The following DCC variants were observed in gnomAD, a reference collection of about 807,000 sequenced individuals.
The protein encoded by DCC is netrin receptor DCC.
A neutral mutation model predicts 172.5 loss-of-function variants in DCC; 58 were observed. The observed-to-expected ratio is 0.34, with a 90% confidence interval of 0.27 to 0.42. DCC has a LOEUF of 0.42. Ranked by LOEUF, DCC falls within the 10% of genes least tolerant of loss-of-function variation. DCC has a pLI of 1.00. For missense variants in DCC, 1,740 were observed against 1,791.0 expected, an observed-to-expected ratio of 0.97 and a Z score of 0.51; for synonymous variants, 709 against 644.5, an observed-to-expected ratio of 1.10 and a Z score of -1.52.
At chr18:53,384,018 T>C (rs1907961849) in intron 15 of DCC, among the ~76,000 whole-genome samples, 1 of 152,292 alleles carries the variant, frequency 6.6e-6, no homozygotes, top group South Asian at 2.1e-4. Context: ...TATCAAAACA[T>C]TTAGCCATTA....
At chr18:53,309,012 C>A (rs1209666786) in intron 13 of DCC, among the ~76,000 whole-genome samples, 1 of 151,964 alleles carries the variant, frequency 6.6e-6, no homozygotes, top group East Asian at 1.9e-4. Flanking sequence ...ATACTTTCCT[C>A]TCTGTGTTCT....
chr18:53,413,013 C>T (rs1910080736), intron 20 of DCC, among the ~76,000 whole-genome samples: 1 of 152,142 alleles, frequency 6.6e-6, no homozygotes, highest in Non-Finnish European at 1.5e-5. Context: ...CCCCAGGGTC[C>T]CACTGGGATA....
chr18:53,481,988 C>T (rs1053946340), intron 25 of DCC, among the ~76,000 whole-genome samples: 1 of 152,024 alleles, frequency 6.6e-6, no homozygotes, highest in Non-Finnish European at 1.5e-5. Context: ...TTGATGATAT[C>T]GCTCTCTGAG....
intron 1 of DCC, among the ~76,000 whole-genome samples, chr18:52,696,814 A>G (rs1377570372): frequency 6.6e-6 from 1 of 152,228 alleles, no homozygotes; most frequent in Admixed American, 6.5e-5. Context: ...GAAGGCTACA[A>G]TATAGTCAGG....
chr18:53,400,623 G>T (rs1293201346), intron 18 of DCC, among the ~76,000 whole-genome samples: 1 of 152,044 alleles, frequency 6.6e-6, no homozygotes, highest in Non-Finnish European at 1.5e-5. Flanking sequence ...GGAACAGTGT[G>T]CAGTTCACAT....
At chr18:52,659,811 C>A (rs556099394) in intron 1 of DCC, among the ~76,000 whole-genome samples, 7 of 151,950 alleles carry the variant, frequency 4.6e-5, no homozygotes, top group South Asian at 2.1e-4. Flanking sequence ...AGCCTTGCAA[C>A]AATGCACGTT....
intron 2 of DCC, among the ~76,000 whole-genome samples, chr18:52,871,612 G>T (rs1416211297): frequency 1.3e-4 from 20 of 152,066 alleles, no homozygotes; most frequent in Non-Finnish European, 2.2e-4. Context: ...ACACCAGTGT[G>T]CCCAGCTAAT....
intron 1 of DCC, among the ~76,000 whole-genome samples, chr18:52,479,104 C>A (rs1989178865): frequency 1.0e-5 from 1 of 98,328 alleles, no homozygotes; most frequent in South Asian, 3.4e-4. Context: ...ATAGTAACTA[C>A]CTCATAGACT....
At chr18:53,495,518 A>G (rs1035142763) in intron 26 of DCC, among the ~76,000 whole-genome samples, 4 of 152,086 alleles carry the variant, frequency 2.6e-5, no homozygotes, top group Admixed American at 1.3e-4. Flanking sequence ...CTTTGTGGGT[A>G]ACCCGACCTT....
intron 1 of DCC, among the ~76,000 whole-genome samples, chr18:52,630,684 A>T (rs770411292): frequency 3.3e-5 from 5 of 151,928 alleles, no homozygotes; most frequent in Admixed American, 6.6e-5. Flanking sequence ...GAACACTTGC[A>T]CTTTCACCTG....
chr18:53,041,272 T>A (rs1276677202), intron 5 of DCC, among the ~76,000 whole-genome samples: 1 of 152,088 alleles, frequency 6.6e-6, no homozygotes, highest in Non-Finnish European at 1.5e-5. Context: ...AAATAGGGGA[T>A]CATTTCCCCA....
At chr18:52,487,614 T>C (rs1395337196) in intron 1 of DCC, among the ~76,000 whole-genome samples, 1 of 151,858 alleles carries the variant, frequency 6.6e-6, no homozygotes, top group Admixed American at 6.6e-5. Flanking sequence ...AGTTCAAGAT[T>C]AGCCTGGCCA....
chr18:53,334,461 G>A (rs11872549), intron 14 of DCC, among the ~76,000 whole-genome samples: 1 of 151,976 alleles, frequency 6.6e-6, no homozygotes, highest in Non-Finnish European at 1.5e-5. Context: ...CAATCTTTAA[G>A]TATACAGTTC....
At chr18:52,882,157 C>T (rs1330668927) in intron 2 of DCC, among the ~76,000 whole-genome samples, 1 of 152,022 alleles carries the variant, frequency 6.6e-6, no homozygotes, top group Non-Finnish European at 1.5e-5. Context: ...TGCAACTTTA[C>T]TGAATGTGTT....
rs543963155 is a variant in DCC at position 53,131,252 on chromosome 18, A to G, written c.1262-26104A>G. Reference sequence around the variant, plus strand: ...TTGAAAAAAATACAAGCACATTCACAGTTTTTCTTTATTCTCTCAAGAAGG... The same window carrying G: ...TTGAAAAAAATACAAGCACATTCACGGTTTTTCTTTATTCTCTCAAGAAGG... On this transcript the variant is annotated intron_variant, in intron 7 of 28. Coordinates refer to ENST00000442544, the MANE Select transcript of DCC (RefSeq NM_005215.4). 3.3e-5 allele frequency among the ~76,000 whole-genome samples: 5 copies of G among 152,240 alleles called. No homozygotes were observed. In the East Asian group the frequency reaches 9.7e-4, roughly 29 times the overall value.
chr18:53,215,545 T>C lies in DCC; in HGVS notation c.1862-3T>C. On this transcript the variant is annotated splice_region_variant and splice_polypyrimidine_tract_variant and intron_variant, in intron 11 of 28. Coordinates refer to ENST00000442544, the MANE Select transcript of DCC (RefSeq NM_005215.4). ...CTGTGACAATTTGTTTGATTCCTTTTAGTGCCAAGTGCCCCGCCTCAGAAC... is the reference window on the plus strand; with the variant it reads ...CTGTGACAATTTGTTTGATTCCTTTCAGTGCCAAGTGCCCCGCCTCAGAAC... 1 of 1,613,694 alleles carries C rather than the reference T, an allele frequency of 6.2e-7. No homozygotes were observed. Among genetic ancestry groups the C allele is most frequent in the Non-Finnish European group, 8.5e-7 (1 of 1,179,610 alleles).
At chr18:52,530,166 G>A (rs1432951429) in intron 1 of DCC, among the ~76,000 whole-genome samples, 1 of 152,190 alleles carries the variant, frequency 6.6e-6, no homozygotes, top group East Asian at 1.9e-4. Flanking sequence ...GAATTGCTAT[G>A]TTTCATTCTT....
At chr18:52,617,928 A>G (rs1438121058) in intron 1 of DCC, among the ~76,000 whole-genome samples, 2 of 152,206 alleles carry the variant, frequency 1.3e-5, no homozygotes, top group Non-Finnish European at 2.9e-5. Flanking sequence ...CCATGTCTAT[A>G]TAGCCTAAGG....
intron 2 of DCC, among the ~76,000 whole-genome samples, chr18:52,762,904 G>A (rs977132574): frequency 1.3e-5 from 2 of 152,166 alleles, no homozygotes; most frequent in African/African-American, 2.4e-5. Flanking sequence ...TTCCCGTGAT[G>A]ATCTGTAAAG....
Sources: gnomAD v4.1 joint callset for allele counts (sites outside exome capture counted in the v4.1 genomes callset) on GRCh38, gnomAD v4.1.1 for gene constraint, MANE v1.5 for transcripts, NCBI Gene and HGNC (gene_info 2026-07-23, HGNC 2026-07-21) for gene names.